SLC39A14: variants seen among roughly 807,000 people sequenced by gnomAD.
SLC39A14 encodes the protein solute carrier family 39 member 14.
SLC39A14 carries 19 observed loss-of-function variants against 45.5 expected under a neutral mutation model. That is an observed-to-expected ratio of 0.42 (90% confidence interval 0.29 to 0.61). The LOEUF (loss-of-function observed/expected upper bound fraction) is 0.61, where lower values mean the gene tolerates loss of function less well. SLC39A14 is among the 20% of genes least tolerant of loss of function. The probability of loss-of-function intolerance (pLI) is 0.22; values close to 1 mark genes in which losing one functional copy is unlikely to be tolerated. For missense variants in SLC39A14, 447 were observed against 616.5 expected (o/e 0.73, Z 2.91); for synonymous variants, 264 against 251.3 (o/e 1.05, Z -0.48).
chr8:22,414,031 C>T (rs1337801961), intron 4 of SLC39A14, among the ~76,000 whole-genome samples: 1 of 152,068 alleles, frequency 6.6e-6, no homozygotes. Flanking sequence ...CCACCCACCT[C>T]GGTCCTTTAA....
chr8:22,401,254 C>G (rs1363211862), intron 1 of SLC39A14, among the ~76,000 whole-genome samples: 2 of 152,222 alleles, frequency 1.3e-5, no homozygotes, highest in Non-Finnish European at 2.9e-5. Context: ...TGCTCTCAGC[C>G]ACTCTGCCGC....
intron 1 of SLC39A14, among the ~76,000 whole-genome samples, chr8:22,400,276 A>C (rs896746130): frequency 6.6e-6 from 1 of 152,208 alleles, no homozygotes; most frequent in Non-Finnish European, 1.5e-5. Context: ...CTAATCGCTG[A>C]ACCCCAGTGT....
downstream of SLC39A14, among the ~76,000 whole-genome samples, chr8:22,426,885 A>G (rs910285702): frequency 1.3e-5 from 2 of 151,994 alleles, no homozygotes; most frequent in South Asian, 2.1e-4. Flanking sequence ...GGTTTTCGCC[A>G]TATTGGCCAG....
intron 1 of SLC39A14, among the ~76,000 whole-genome samples, chr8:22,397,125 A>G (rs1834532724): frequency 1.3e-5 from 2 of 152,202 alleles, no homozygotes; most frequent in Admixed American, 1.3e-4. Flanking sequence ...TTTTCAAACT[A>G]CGGATAGGGG....
intron 1 of SLC39A14, among the ~76,000 whole-genome samples, chr8:22,384,434 A>T (rs1273816339): frequency 6.7e-6 from 1 of 148,418 alleles, no homozygotes; most frequent in Non-Finnish European, 1.5e-5. Context: ...ACCCCACCTC[A>T]CTTTATGTTT....
intron 1 of SLC39A14, chr8:22,398,939 A>G (rs1834682258): frequency 6.3e-6 from 1 of 159,428 alleles, no homozygotes; most frequent in Non-Finnish European, 1.3e-5. Flanking sequence ...TTAGACACAG[A>G]AGGAGGGCAC....
chr8:22,418,761 T>C (rs1836041798), intron 8 of SLC39A14, among the ~76,000 whole-genome samples: 1 of 152,164 alleles, frequency 6.6e-6, no homozygotes, highest in Admixed American at 6.5e-5. Flanking sequence ...ACTTGTGGCC[T>C]CAAGGGATCC....
intron 3 of SLC39A14, among the ~76,000 whole-genome samples, chr8:22,411,449 C>T (rs78271958): frequency 0.028 from 4,304 of 152,354 alleles, 213 homozygotes; most frequent in African/African-American, 0.1. Flanking sequence ...AATCGTTCTC[C>T]ATCCCTTCTG....
chr8:22,406,778 G>A (rs1835240408), intron 2 of SLC39A14, among the ~76,000 whole-genome samples: 1 of 152,218 alleles, frequency 6.6e-6, no homozygotes, highest in African/African-American at 2.4e-5. Context: ...CCAGAGACAA[G>A]CACGCCCCCG....
chr8:22,429,052 C>T (rs971610102), intron 8 of SLC39A14, among the ~76,000 whole-genome samples: 16 of 152,042 alleles, frequency 1.1e-4, no homozygotes, highest in South Asian at 6.2e-4. Flanking sequence ...GCGGGTGGAT[C>T]GCAAGGTCAG....
intron 1 of SLC39A14, among the ~76,000 whole-genome samples, chr8:22,380,981 A>G (rs1469430854): frequency 1.5e-5 from 2 of 134,042 alleles, no homozygotes; most frequent in Admixed American, 1.5e-4. Context: ...CGGCCTCTGA[A>G]TTTTTTTTTT....
intron 8 of SLC39A14, among the ~76,000 whole-genome samples, chr8:22,429,376 T>A (rs1836435007): frequency 6.6e-6 from 1 of 152,236 alleles, no homozygotes; most frequent in Non-Finnish European, 1.5e-5. Context: ...ATGTTTAACC[T>A]CTCTGCACCT....
chr8:22,411,975 C>T (rs1835595560), intron 3 of SLC39A14, 62 bp from the exon 4 acceptor site: 2 of 1,455,934 alleles, frequency 1.4e-6, no homozygotes, highest in South Asian at 2.6e-5. Context: ...GGTTGCTGTG[C>T]AATGGGGCAT....
At chr8:22,427,933 T>C (rs1166691057) in intron 8 of SLC39A14, among the ~76,000 whole-genome samples, 1 of 151,872 alleles carries the variant, frequency 6.6e-6, no homozygotes, top group Non-Finnish European at 1.5e-5. Flanking sequence ...CATTGGGAGA[T>C]TGAGACAGGA....
chr8:22,427,281 A>G (rs1266866469), downstream of SLC39A14, among the ~76,000 whole-genome samples: 1 of 152,078 alleles, frequency 6.6e-6, no homozygotes, highest in Non-Finnish European at 1.5e-5. Flanking sequence ...ACAAGAGAAC[A>G]AGAGTGAAAC....
chr8:22,375,021 C>T (rs1348150823), intron 1 of SLC39A14, among the ~76,000 whole-genome samples: 1 of 152,104 alleles, frequency 6.6e-6, no homozygotes, highest in Non-Finnish European at 1.5e-5. Context: ...GCTGGGATTA[C>T]AGGCGTGAGC....
intron 8 of SLC39A14, among the ~76,000 whole-genome samples, chr8:22,428,687 C>T (rs994665524): frequency 1.3e-5 from 2 of 151,832 alleles, no homozygotes; most frequent in African/African-American, 4.8e-5. Flanking sequence ...GTGATCCGCC[C>T]AGCCTGGCCT....
intron 4 of SLC39A14, among the ~76,000 whole-genome samples, chr8:22,413,535 A>T (rs971431113): frequency 1.3e-5 from 2 of 152,156 alleles, no homozygotes; most frequent in African/African-American, 2.4e-5. Flanking sequence ...TCAACATGAA[A>T]GTGTTGTTTC....
chr8:22,387,398 C>T (rs1340924274), intron 1 of SLC39A14, among the ~76,000 whole-genome samples: 1 of 152,068 alleles, frequency 6.6e-6, no homozygotes, highest in Admixed American at 6.6e-5. Flanking sequence ...TTGTGGCAAT[C>T]GATTGCTCCC....
Sources: allele counts gnomAD v4.1 joint callset (sites outside exome capture counted in the v4.1 genomes callset), GRCh38; gene constraint gnomAD v4.1.1; transcripts MANE v1.5; gene names NCBI Gene and HGNC (gene_info 2026-07-23, HGNC 2026-07-21).